Variants in UIMC1 observed in about 807,000 individuals in gnomAD.
UIMC1 encodes ubiquitin interaction motif containing 1.
Under a neutral mutation model 84.9 loss-of-function variants are expected in UIMC1, and 42 were observed. That is an observed-to-expected ratio of 0.49 (90% CI 0.39 to 0.64). The LOEUF (loss-of-function observed/expected upper bound fraction) is 0.64. UIMC1 is among the 30% of genes least tolerant of loss of function. The pLI, the probability that UIMC1 is intolerant of heterozygous loss-of-function variation, is 0.00. For synonymous variants in UIMC1, 281 were observed against 293.0 expected, an observed-to-expected ratio of 0.96 and a Z score of 0.42; for missense variants, 825 against 847.6, an observed-to-expected ratio of 0.97 and a Z score of 0.33.
At chr5:177,014,044 CTT>C (rs980703422) in intron 1 of UIMC1, among the ~76,000 whole-genome samples, 1 of 145,616 alleles carries the variant, frequency 6.9e-6, no homozygotes, top group African/African-American at 2.6e-5. Context: ...CAGTGAGCCA[CTT>C]TTTTTCTTTT....
intron 11 of UIMC1, 58 bp from the exon 12 acceptor site, chr5:176,908,752 G>A (rs771616539): frequency 6.4e-6 from 10 of 1,555,274 alleles, no homozygotes; most frequent in Non-Finnish European, 8.7e-6. Context: ...TTGCCTCTGG[G>A]CCCCTGGATA....
intron 1 of UIMC1, among the ~76,000 whole-genome samples, chr5:176,984,438 TCTGCCCGG>T (rs1771636722): frequency 7.4e-6 from 1 of 134,238 alleles, no homozygotes; most frequent in Non-Finnish European, 1.6e-5. Context: ...GGGGAGCGCC[TCTGCCCGG>T]CTGCCTATCG....
intron 10 of UIMC1, among the ~76,000 whole-genome samples, chr5:176,922,580 T>C (rs1420448543): frequency 6.6e-6 from 1 of 152,258 alleles, no homozygotes; most frequent in African/African-American, 2.4e-5. Flanking sequence ...AGTCTTTATT[T>C]TGAATCCTTA....
Position 176,928,154 on chromosome 5 carries a change from T to A in UIMC1, c.1597+15181A>T, listed in dbSNP as rs564748549. ...GTACCACGCTCAGCCTAGCTTTTTT[T>A]ATAAATAAACTTTTACTGCAACACA... On this transcript the variant is annotated intron_variant, in intron 10 of 14. Transcript: ENST00000511320. Among the ~76,000 whole-genome samples, 21 of 152,286 alleles carry A rather than the reference T, an allele frequency of 1.4e-4. No individual in the cohort carries two copies. In the East Asian group the frequency reaches 3.9e-3, roughly 28 times the overall value.
intron 1 of UIMC1, among the ~76,000 whole-genome samples, chr5:177,001,023 T>C (rs1174254026): frequency 6.6e-6 from 1 of 152,186 alleles, no homozygotes; most frequent in East Asian, 1.9e-4. Context: ...GTGATCCCAT[T>C]TGTCCATTTT....
At chr5:176,998,278 A>G (rs1434145514) in intron 1 of UIMC1, among the ~76,000 whole-genome samples, 1 of 151,926 alleles carries the variant, frequency 6.6e-6, no homozygotes, top group East Asian at 1.9e-4. Context: ...ACCCTGGCCA[A>G]CGTGGTGAAA....
At chr5:177,014,691 T>A (rs944874604) in intron 1 of UIMC1, among the ~76,000 whole-genome samples, 6 of 152,028 alleles carry the variant, frequency 3.9e-5, no homozygotes, top group African/African-American at 1.2e-4. Context: ...GAGCGTTAAC[T>A]CCATCTCAAT....
intron 1 of UIMC1, among the ~76,000 whole-genome samples, chr5:176,992,636 A>G (rs1773052439): frequency 6.6e-6 from 1 of 151,714 alleles, no homozygotes; most frequent in Non-Finnish European, 1.5e-5. Flanking sequence ...GTCTCTATAA[A>G]AAAAAAAAAA....
In UIMC1 at chr5:176,958,173, T is replaced by C. The variant is rs757459478; in HGVS notation, c.1201-19A>G. 6.2e-6 allele frequency: 10 copies of C among 1,606,710 alleles called. No homozygotes were observed. Among genetic ancestry groups the C allele is most frequent in the Admixed American group, 1.7e-5 (1 of 59,666 alleles). The stretch of plus-strand genomic sequence containing the variant: ...GGGAAGACTGCAAAGAAATACGTAG[T>C]ATCTTAAATATACAGGCACAGGTGA... On this transcript the variant is annotated intron_variant, in intron 6 of 14. Transcript: ENST00000511320.
chr5:176,970,909 A>T, intron 3 of UIMC1, 43 bp from the exon 4 acceptor site: 1 of 1,602,224 alleles, frequency 6.2e-7, no homozygotes, highest in Non-Finnish European at 8.5e-7. Context: ...CACCACAAAC[A>T]CTGAATAATC....
Position 176,968,987 on chromosome 5 carries a change from G to A in UIMC1, c.768C>T (p.His256=). The part of the protein sequence containing the change: ...AVQGSGDTSR[H]CLPTLADAKG... ...TGGCATCTGCTAGGGTAGGTAGACA[G>A]TGCCTAGATGTGTCCCCGCTACCCT... is the stretch of plus-strand genomic sequence containing the variant. Residue 256 remains histidine (H), a synonymous_variant, in exon 6 of 15, where the codon CAC becomes CAT. Transcript: ENST00000511320. 1 of 1,614,238 alleles carries A rather than the reference G, an allele frequency of 6.2e-7. No homozygotes were observed. Among genetic ancestry groups the A allele is most frequent in the Non-Finnish European group, 8.5e-7 (1 of 1,180,048 alleles).
At chr5:176,914,301 T>C (rs947045560) in intron 10 of UIMC1, among the ~76,000 whole-genome samples, 6 of 152,206 alleles carry the variant, frequency 3.9e-5, no homozygotes, top group African/African-American at 1.2e-4. Context: ...GTCCTCTGCA[T>C]ATATGACAAC....
intron 10 of UIMC1, among the ~76,000 whole-genome samples, chr5:176,916,446 T>C (rs1314052292): frequency 6.6e-6 from 1 of 152,220 alleles, no homozygotes; most frequent in Non-Finnish European, 1.5e-5. Flanking sequence ...TATTGCCTTG[T>C]GGTGAAGGGC....
chr5:176,905,218 T>G lies in UIMC1; in HGVS notation c.*64A>C. On this transcript the variant is annotated 3_prime_UTR_variant, in exon 15 of 15. Coordinates refer to ENST00000511320, the MANE Select transcript of UIMC1 (RefSeq NM_001199298.2). ...CTCAACAATGAACTAGGGACCACTA[T>G]GGCTTAATGAACATGGCCCACCCCT... 6.4e-7 allele frequency: 1 copy of G among 1,558,130 alleles called. No homozygotes were observed.
At chr5:176,936,910 G>A (rs1401995835) in intron 10 of UIMC1, among the ~76,000 whole-genome samples, 1 of 152,050 alleles carries the variant, frequency 6.6e-6, no homozygotes, top group African/African-American at 2.4e-5. Flanking sequence ...ATCACCACTT[G>A]AAATATTGTA....
chr5:176,987,700 T>G (rs1488001724), intron 1 of UIMC1, among the ~76,000 whole-genome samples: 1 of 151,890 alleles, frequency 6.6e-6, no homozygotes, highest in Non-Finnish European at 1.5e-5. Context: ...AGCTAATGCC[T>G]GTAGTCCCAG....
chr5:176,917,219 T>C (rs1167513249), intron 10 of UIMC1, among the ~76,000 whole-genome samples: 2 of 152,174 alleles, frequency 1.3e-5, no homozygotes, highest in Non-Finnish European at 2.9e-5. Flanking sequence ...GCAGCCATGC[T>C]CACTGCCTCC....
chr5:176,907,195 A>G lies in UIMC1; in HGVS notation c.1849-18T>C. ...CCTTTTTCCTGTAACAGAGAAAAAC[A>G]GATGAAAAGGTTACTTCATGTCAGA... On this transcript the variant is annotated intron_variant, in intron 12 of 14. Transcript: ENST00000511320. 6.2e-7 allele frequency: 1 copy of G among 1,607,688 alleles called. No individual in the cohort carries two copies. Among genetic ancestry groups the G allele is most frequent in the Non-Finnish European group, 8.5e-7 (1 of 1,175,726 alleles).
intron 1 of UIMC1, among the ~76,000 whole-genome samples, chr5:176,984,000 G>A (rs1234379423): frequency 1.8e-5 from 2 of 109,138 alleles, no homozygotes; most frequent in African/African-American, 3.6e-5. Context: ...CTGCCCGGCC[G>A]CCCCGTCTGG....
Sources: allele counts gnomAD v4.1 joint callset (sites outside exome capture counted in the v4.1 genomes callset), GRCh38; gene constraint gnomAD v4.1.1; transcripts MANE v1.5; gene names NCBI Gene and HGNC (gene_info 2026-07-23, HGNC 2026-07-21).